The following ADGRL2 variants were observed in gnomAD, a reference collection of about 807,000 sequenced individuals.
ADGRL2 encodes the protein calcium-independent alpha-latrotoxin receptor 2.
Under a neutral mutation model 157.4 loss-of-function variants are expected in ADGRL2, and 44 were observed. The ratio of observed to expected loss-of-function variants is 0.28; its 90% CI spans 0.22 to 0.36. ADGRL2 has a LOEUF of 0.36. Among genes scored for constraint, ADGRL2 ranks in the 10% least tolerant of loss-of-function variants. ADGRL2 has a pLI of 1.00. For missense variants in ADGRL2, 1,510 were observed against 1,768.9 expected (o/e 0.85, Z 2.63); for synonymous variants, 585 against 624.7 (o/e 0.94, Z 0.95).
chr1:81,946,758 T>C (rs369431850), intron 6 of ADGRL2, among the ~76,000 whole-genome samples: 7 of 152,288 alleles, frequency 4.6e-5, no homozygotes, highest in Admixed American at 3.9e-4. Context: ...GTATAAAAGA[T>C]GATCAGTGTT....
At chr1:81,863,409 G>A (rs917571843) in intron 2 of ADGRL2, among the ~76,000 whole-genome samples, 10 of 152,020 alleles carry the variant, frequency 6.6e-5, no homozygotes, top group African/African-American at 2.4e-4. Context: ...GCTTTATGAT[G>A]GTCCCAGAAA....
intron 3 of ADGRL2, among the ~76,000 whole-genome samples, chr1:81,680,432 G>T (rs2148951489): frequency 1.3e-5 from 2 of 152,268 alleles, no homozygotes; most frequent in South Asian, 4.1e-4. Context: ...GCCGAAAATG[G>T]AAATGAAACC....
intron 1 of ADGRL2, among the ~76,000 whole-genome samples, chr1:81,402,091 A>AC (rs2076766842): frequency 2.2e-5 from 1 of 45,936 alleles, no homozygotes; most frequent in Non-Finnish European, 1.4e-4. Context: ...TAAAACAGGT[A>AC]GCAAATTAGT....
intron 2 of ADGRL2, among the ~76,000 whole-genome samples, chr1:81,899,844 C>T (rs1232260155): frequency 1.3e-5 from 2 of 152,136 alleles, no homozygotes; most frequent in African/African-American, 4.8e-5. Flanking sequence ...AGCCATTTCC[C>T]TGACCATCAG....
At chr1:81,729,049 G>A (rs1570984412) in intron 1 of ADGRL2, among the ~76,000 whole-genome samples, 1 of 151,680 alleles carries the variant, frequency 6.6e-6, no homozygotes, top group African/African-American at 2.4e-5. Flanking sequence ...CAATGTGCCT[G>A]CACTTGTTAG....
chr1:81,639,288 C>G (rs2082171583), intron 3 of ADGRL2, among the ~76,000 whole-genome samples: 1 of 152,094 alleles, frequency 6.6e-6, no homozygotes. Context: ...CCAGGCTGGT[C>G]TCGAACTCCT....
intron 1 of ADGRL2, among the ~76,000 whole-genome samples, chr1:81,380,896 A>T (rs1025391695): frequency 3.9e-5 from 6 of 152,150 alleles, no homozygotes; most frequent in African/African-American, 1.4e-4. Flanking sequence ...ATTTTATTTC[A>T]ATTACATGAA....
At chr1:81,977,825 T>G (rs988983046) in intron 17 of ADGRL2, among the ~76,000 whole-genome samples, 1 of 151,666 alleles carries the variant, frequency 6.6e-6, no homozygotes, top group African/African-American at 2.4e-5. Flanking sequence ...AAAACCCTTA[T>G]GTTCAGAAGT....
chr1:81,922,174 A>G (rs1206778152), intron 3 of ADGRL2, among the ~76,000 whole-genome samples: 1 of 152,136 alleles, frequency 6.6e-6, no homozygotes, highest in Non-Finnish European at 1.5e-5. Flanking sequence ...GAGAAGGGAA[A>G]GTGGTAAGTT....
chr1:81,418,345 T>C (rs1175899308), intron 1 of ADGRL2, among the ~76,000 whole-genome samples: 1 of 152,266 alleles, frequency 6.6e-6, no homozygotes, highest in Non-Finnish European at 1.5e-5. Flanking sequence ...TCCACTTTTC[T>C]GTGGTGGCAT....
At position 81,502,856 on chromosome 1, in the gene ADGRL2, C is replaced by A. The variant is rs892835348; in HGVS notation, c.-248+57767C>A. 7 of 1,612,888 alleles carry A rather than the reference C, an allele frequency of 4.3e-6. No individual in the cohort carries two copies. The African/African-American group carries it at 6.7e-5, about 15-fold the overall frequency. Reference sequence around the variant, plus strand: ...GCCGAGGCCCCTGCCCTCCTCTCCCCACCCAAGATCCGCTTTCCCATCCTT... The same window carrying A: ...GCCGAGGCCCCTGCCCTCCTCTCCCAACCCAAGATCCGCTTTCCCATCCTT... On this transcript the variant is annotated intron_variant, in intron 2 of 24. Transcript: ENST00000370721.
intron 3 of ADGRL2, among the ~76,000 whole-genome samples, chr1:81,933,642 C>T (rs1433833159): frequency 6.6e-6 from 1 of 152,136 alleles, no homozygotes; most frequent in Non-Finnish European, 1.5e-5. Flanking sequence ...TTATCAACAG[C>T]ATATTGTTAA....
chr1:81,357,850 T>C (rs961754995), intron 1 of ADGRL2, among the ~76,000 whole-genome samples: 1 of 152,164 alleles, frequency 6.6e-6, no homozygotes, highest in Non-Finnish European at 1.5e-5. Flanking sequence ...CTGAAGTTAG[T>C]TAAACTCTTT....
At chr1:81,353,303 A>G (rs921638945) in intron 1 of ADGRL2, among the ~76,000 whole-genome samples, 10 of 152,294 alleles carry the variant, frequency 6.6e-5, no homozygotes, top group African/African-American at 2.4e-4. Context: ...TTCCATAAAT[A>G]TTAGGGAGCC....
intron 1 of ADGRL2, among the ~76,000 whole-genome samples, chr1:81,321,919 C>T (rs376984764): frequency 5.9e-5 from 9 of 151,502 alleles, no homozygotes; most frequent in East Asian, 1.9e-4. Context: ...AGCTGCAAAG[C>T]GCAATAAAAT....
chr1:81,926,855 A>G (rs2095118866), intron 3 of ADGRL2, among the ~76,000 whole-genome samples: 1 of 152,054 alleles, frequency 6.6e-6, no homozygotes, highest in Non-Finnish European at 1.5e-5. Context: ...GTACTGGATT[A>G]ATAAGGCTCT....
chr1:81,933,529 C>T (rs1251441483), intron 3 of ADGRL2, among the ~76,000 whole-genome samples: 2 of 152,196 alleles, frequency 1.3e-5, no homozygotes, highest in Non-Finnish European at 2.9e-5. Context: ...AGTATGAGAA[C>T]TTGAAGCTGA....
intron 22 of ADGRL2, chr1:81,987,247 GT>G: frequency 6.5e-7 from 1 of 1,535,356 alleles, no homozygotes; most frequent in Admixed American, 1.7e-5. Context: ...AATGATCCAT[GT>G]TTTTAACACA....
chr1:81,567,193 T>C (rs949451918), intron 2 of ADGRL2, among the ~76,000 whole-genome samples: 6 of 152,276 alleles, frequency 3.9e-5, no homozygotes, highest in Non-Finnish European at 8.8e-5. Context: ...TCATAAATTA[T>C]CTAGTCCTGC....
Sources: allele counts gnomAD v4.1 joint callset (sites outside exome capture counted in the v4.1 genomes callset), GRCh38; gene constraint gnomAD v4.1.1; transcripts MANE v1.5; gene names NCBI Gene and HGNC (gene_info 2026-07-23, HGNC 2026-07-21).